FRYL: variants seen among roughly 807,000 people sequenced by gnomAD.
FRYL encodes the protein protein furry homolog-like.
A neutral mutation model predicts 351.2 loss-of-function variants in FRYL; 150 were observed. The ratio of observed to expected loss-of-function variants is 0.43; its 90% CI spans 0.37 to 0.49. The LOEUF is 0.49. Among genes scored for constraint, FRYL ranks in the 20% least tolerant of loss-of-function variants. FRYL has a pLI of 0.00. For synonymous variants in FRYL, 1,153 were observed against 1,257.1 expected, an observed-to-expected ratio of 0.92 and a Z score of 1.75; for missense variants, 3,036 against 3,619.3, an observed-to-expected ratio of 0.84 and a Z score of 4.13.
At chr4:48,526,178 G>T (rs1316407340) in intron 53 of FRYL, among the ~76,000 whole-genome samples, 1 of 152,156 alleles carries the variant, frequency 6.6e-6, no homozygotes. Context: ...AAATGTATTT[G>T]AGCTATGAGT....
chr4:48,711,081 G>A (rs1419409325), intron 1 of FRYL, among the ~76,000 whole-genome samples: 8 of 152,210 alleles, frequency 5.3e-5, no homozygotes, highest in Admixed American at 4.6e-4. Flanking sequence ...GCTGGGGGGA[G>A]GAGCCAAGAT....
chr4:48,600,296 A>G (rs1235896974), intron 13 of FRYL, among the ~76,000 whole-genome samples: 6 of 152,150 alleles, frequency 3.9e-5, no homozygotes, highest in Admixed American at 3.9e-4. Flanking sequence ...CCTTACCTCA[A>G]CTATGCAGAG....
In FRYL at chr4:48,777,091, T is replaced by C. The variant is rs535511654; in HGVS notation, c.-384+2987A>G. Among the ~76,000 whole-genome samples the C allele has an allele frequency of 5.3e-5, 8 of 152,330 alleles. No homozygotes were observed. The South Asian group carries it at 1.7e-3, about 32-fold the overall frequency. On this transcript the variant is annotated intron_variant, in intron 1 of 63. Coordinates refer to ENST00000358350, the MANE Select transcript of FRYL (RefSeq NM_015030.2). ...AGCAAGACTGTCATCCAGTTCTACT[T>C]TATCTCCATAAATACTCTGTCATCG...
At chr4:48,550,056 T>C (rs1348238660) in intron 38 of FRYL, among the ~76,000 whole-genome samples, 1 of 152,166 alleles carries the variant, frequency 6.6e-6, no homozygotes, top group Non-Finnish European at 1.5e-5. Context: ...ATAAAAAATG[T>C]CAGGAAATGT....
chr4:48,635,820 A>T (rs1578454901), intron 3 of FRYL, among the ~76,000 whole-genome samples: 1 of 151,994 alleles, frequency 6.6e-6, no homozygotes, highest in Non-Finnish European at 1.5e-5. Context: ...CTGCCCTTGA[A>T]CCCCTTCCTT....
At chr4:48,755,657 G>A (rs551849573) in intron 1 of FRYL, among the ~76,000 whole-genome samples, 3 of 152,124 alleles carry the variant, frequency 2.0e-5, no homozygotes, top group Admixed American at 2.0e-4. Flanking sequence ...CTTTATTGAG[G>A]CCATGTGATA....
At chr4:48,598,888 G>A (rs1292745068) in intron 13 of FRYL, 1 of 980,750 alleles carries the variant, frequency 1.0e-6, no homozygotes, top group Non-Finnish European at 1.2e-6. Context: ...ATAAAGCAAT[G>A]TGAGACAGCA....
At chr4:48,715,042 T>C (rs1045356227) in intron 1 of FRYL, among the ~76,000 whole-genome samples, 3 of 152,212 alleles carry the variant, frequency 2.0e-5, no homozygotes, top group African/African-American at 7.2e-5. Context: ...TCTCAATAGA[T>C]GCAGAACAGG....
chr4:48,713,128 C>A (rs1487433741), intron 1 of FRYL, among the ~76,000 whole-genome samples: 1 of 151,738 alleles, frequency 6.6e-6, no homozygotes, highest in Non-Finnish European at 1.5e-5. Flanking sequence ...CAAAATCATG[C>A]CAAAATGTAA....
Position 48,567,126 on chromosome 4 carries a change from G to A in FRYL, c.3169+122C>T. ...AAACTCCAGCCATCCAGGTTATGCTGACATATTTTTCCAGTATGTTCATAC... is the reference window on the plus strand; with the variant it reads ...AAACTCCAGCCATCCAGGTTATGCTAACATATTTTTCCAGTATGTTCATAC... On this transcript the variant is annotated intron_variant, in intron 28 of 63. Transcript: ENST00000358350. The surrounding 1 kb of genome is among the most constrained non-coding windows in gnomAD (Gnocchi z 4.2). The A allele has an allele frequency of 1.4e-6, 1 of 719,412 alleles. No homozygotes were observed. The highest frequency in any genetic ancestry group is 2.1e-6 in the Non-Finnish European group (1 of 470,376). The allele number at this position is 719,412 out of a possible 1,614,324, so 44.6% of individuals were successfully genotyped here. A position where few individuals can be genotyped will look rare whatever the true frequency, so the allele number is the denominator to read the frequency against.
At chr4:48,592,082 T>TAATATATATATATATA (rs888017807) in intron 16 of FRYL, among the ~76,000 whole-genome samples, 7 of 116,178 alleles carry the variant, frequency 6.0e-5, no homozygotes, top group African/African-American at 3.2e-4. Context: ...AATAAAGCTC[T>TAATATATATATATATA]TATATATATA....
chr4:48,588,561 A>G (rs1227723071), intron 18 of FRYL, among the ~76,000 whole-genome samples: 1 of 152,204 alleles, frequency 6.6e-6, no homozygotes, highest in African/African-American at 2.4e-5. Flanking sequence ...ACCACCTCTC[A>G]GGCACAGCAT....
At position 48,683,308 on chromosome 4, in the gene FRYL, C is replaced by A. The variant is rs542100439; in HGVS notation, c.-81+1365G>T. Among the ~76,000 whole-genome samples, 415 of 151,796 alleles carry A rather than the reference C, an allele frequency of 2.7e-3. 3 individuals carry two copies. The highest frequency in any genetic ancestry group is 9.1e-3 in the African/African-American group (378 of 41,370). ...AGGGGAGGGATAGCATTAGGAGAAA[C>A]ACCTAATGTAGATGATGGGTTGATG... is the stretch of plus-strand genomic sequence containing the variant. On this transcript the variant is annotated intron_variant, in intron 3 of 63. Coordinates refer to ENST00000358350, the MANE Select transcript of FRYL (RefSeq NM_015030.2).
chr4:48,574,875 T>C (rs544572070), intron 25 of FRYL, among the ~76,000 whole-genome samples: 5 of 152,152 alleles, frequency 3.3e-5, no homozygotes, highest in Non-Finnish European at 5.9e-5. Context: ...CTAGAACATA[T>C]AGGTAAGTTT....
intron 9 of FRYL, 103 bp downstream of exon 9, chr4:48,608,884 T>A: frequency 1.3e-6 from 1 of 759,398 alleles, no homozygotes; most frequent in East Asian, 2.5e-5. Flanking sequence ...CTTAGTGCTA[T>A]GGAAAATGGT....
intron 1 of FRYL, among the ~76,000 whole-genome samples, chr4:48,752,213 G>A (rs944289328): frequency 6.6e-6 from 1 of 152,178 alleles, no homozygotes; most frequent in Non-Finnish European, 1.5e-5. Context: ...TAAACTGAGA[G>A]CTCTAGCTGT....
At chr4:48,620,891 A>G in intron 5 of FRYL, 113 bp from the exon 6 acceptor site, 1 of 925,386 alleles carries the variant, frequency 1.1e-6, no homozygotes, top group Non-Finnish European at 1.6e-6. Flanking sequence ...CAATGCAATA[A>G]ATGTGCTTTA....
At chr4:48,510,633 A>C (rs1326826031) in intron 58 of FRYL, among the ~76,000 whole-genome samples, 1 of 152,164 alleles carries the variant, frequency 6.6e-6, no homozygotes, top group Non-Finnish European at 1.5e-5. Context: ...GTAGAGGGTA[A>C]GGGCATGAAG....
chr4:48,610,982 C>T (rs1748056494), intron 7 of FRYL, among the ~76,000 whole-genome samples: 1 of 151,518 alleles, frequency 6.6e-6, no homozygotes, highest in Non-Finnish European at 1.5e-5. Flanking sequence ...ACATTATATA[C>T]TTGTAGAGTT....
Sources: gnomAD v4.1 joint callset for allele counts (sites outside exome capture counted in the v4.1 genomes callset) on GRCh38, gnomAD v4.1.1 for gene constraint, Gnocchi (gnomAD v3.1) non-coding constraint, MANE v1.5 for transcripts, NCBI Gene and HGNC (gene_info 2026-07-23, HGNC 2026-07-21) for gene names.